Variants in XRN1 observed in about 807,000 individuals in gnomAD.
XRN1 encodes the protein 5'-3' exoribonuclease 1.
Under a neutral mutation model 222.3 loss-of-function variants are expected in XRN1, and 67 were observed. The observed-to-expected ratio is 0.30, with a 90% CI of 0.25 to 0.37. The LOEUF (loss-of-function observed/expected upper bound fraction) is 0.37. Ranked by LOEUF, XRN1 falls within the 10% of genes least tolerant of loss-of-function variation. The pLI is 1.00. For missense variants in XRN1, 1,707 were observed against 2,000.2 expected (o/e 0.85, Z 2.80); for synonymous variants, 643 against 652.4 (o/e 0.99, Z 0.22).
At chr3:142,433,192 C>T (rs907371766) in intron 1 of XRN1, among the ~76,000 whole-genome samples, 5 of 152,152 alleles carry the variant, frequency 3.3e-5, no homozygotes, top group African/African-American at 4.8e-5. Flanking sequence ...TCATTTGGTA[C>T]TCAAAATATT....
At chr3:142,313,325 C>G (rs972602824) in intron 39 of XRN1, 1 of 842,980 alleles carries the variant, frequency 1.2e-6, no homozygotes, top group Non-Finnish European at 1.9e-6. Flanking sequence ...CAATGGGTGC[C>G]AAATCTAATT....
intron 10 of XRN1, 27 bp from the exon 11 acceptor site, chr3:142,418,908 G>T: frequency 6.3e-7 from 1 of 1,595,936 alleles, no homozygotes; most frequent in Admixed American, 1.7e-5. Context: ...AACATAAAAT[G>T]AATGGCAAGA....
At chr3:142,349,775 C>T (rs565739676) in intron 32 of XRN1, among the ~76,000 whole-genome samples, 9 of 152,170 alleles carry the variant, frequency 5.9e-5, no homozygotes, top group Admixed American at 2.6e-4. Context: ...ATGCGTTATA[C>T]TTGGGATCTC....
At chr3:142,385,913 A>G (rs964670138) in intron 20 of XRN1, among the ~76,000 whole-genome samples, 3 of 151,876 alleles carry the variant, frequency 2.0e-5, no homozygotes, top group African/African-American at 7.2e-5. Context: ...TCACACTTTA[A>G]AAGTTTTGTT....
At chr3:142,338,063 G>A (rs577307604) in intron 33 of XRN1, among the ~76,000 whole-genome samples, 93 of 152,266 alleles carry the variant, frequency 6.1e-4, no homozygotes, top group Non-Finnish European at 1.0e-3. Context: ...AGGACTACAC[G>A]TCCTAGTGTT....
At chr3:142,408,060 T>C (rs772506393) in intron 15 of XRN1, among the ~76,000 whole-genome samples, 1 of 152,234 alleles carries the variant, frequency 6.6e-6, no homozygotes, top group African/African-American at 2.4e-5. Context: ...AATAGCATAC[T>C]CTTCTAAAAG....
chr3:142,390,183 G>A (rs2067663531), intron 20 of XRN1, among the ~76,000 whole-genome samples: 1 of 152,190 alleles, frequency 6.6e-6, no homozygotes, highest in South Asian at 2.1e-4. Flanking sequence ...TGGTCAATGA[G>A]CACCGGGTTC....
intron 6 of XRN1, 22 bp downstream of exon 6, chr3:142,423,538 A>G (rs1326074751): frequency 1.9e-6 from 3 of 1,553,230 alleles, no homozygotes; most frequent in African/African-American, 1.4e-5. Flanking sequence ...CTTTCTTCCA[A>G]CATATATGCT....
At chr3:142,390,201 A>G (rs545984112) in intron 20 of XRN1, among the ~76,000 whole-genome samples, 14 of 152,348 alleles carry the variant, frequency 9.2e-5, no homozygotes, top group Non-Finnish European at 1.3e-4. Flanking sequence ...TTCAACTTAA[A>G]GTAACCAGTT....
intron 36 of XRN1, among the ~76,000 whole-genome samples, chr3:142,331,842 T>G (rs1057214988): frequency 4.6e-5 from 7 of 152,182 alleles, no homozygotes; most frequent in Admixed American, 4.6e-4. Context: ...TGGCGTGATC[T>G]TGGCTCACTG....
At chr3:142,318,344 A>C (rs1159979927) in intron 39 of XRN1, among the ~76,000 whole-genome samples, 1 of 152,166 alleles carries the variant, frequency 6.6e-6, no homozygotes, top group Non-Finnish European at 1.5e-5. Flanking sequence ...ACTTAAACAC[A>C]AATTTATCTG....
In XRN1 at chr3:142,365,149, C is replaced by A; in HGVS notation, c.3292G>T (p.Asp1098Tyr). ...PLEQQHGVIP[D>Y]RDAEFCLFDR... ...AAAAGACAAAATTCTGCATCCCGAT[C>A]AGGAATGACTCCATGTTGCTGTTCT... The change falls in exon 29 of 41, where the codon GAT becomes TAT. Residue 1098 changes from aspartate (D) to tyrosine (Y), a missense_variant. By Grantham distance (160) the Asp-to-Tyr change is radical. Coordinates refer to ENST00000392981, the MANE Select transcript of XRN1 (RefSeq NM_001282857.2). The A allele has an allele frequency of 6.2e-7, 1 of 1,613,068 alleles. No individual in the cohort carries two copies. Among genetic ancestry groups the A allele is most frequent in the South Asian group, 1.1e-5 (1 of 90,926 alleles).
At chr3:142,394,384 A>G (rs1171665125) in intron 20 of XRN1, among the ~76,000 whole-genome samples, 2 of 152,148 alleles carry the variant, frequency 1.3e-5, no homozygotes, top group Admixed American at 1.3e-4. Flanking sequence ...TTATGACTCC[A>G]ACTTCAAAAA....
At chr3:142,358,381 T>C (rs984839325) in intron 30 of XRN1, among the ~76,000 whole-genome samples, 7 of 152,310 alleles carry the variant, frequency 4.6e-5, no homozygotes, top group East Asian at 3.9e-4. Context: ...CTATTTTTTT[T>C]CTCTTTGAGA....
chr3:142,326,259 T>C (rs2065513420), intron 37 of XRN1, among the ~76,000 whole-genome samples: 1 of 152,090 alleles, frequency 6.6e-6, no homozygotes, highest in African/African-American at 2.4e-5. Flanking sequence ...ATTTTAACAA[T>C]ATTGATTCTT....
chr3:142,344,683 T>C (rs2066090246), intron 33 of XRN1, among the ~76,000 whole-genome samples: 1 of 151,970 alleles, frequency 6.6e-6, no homozygotes, highest in African/African-American at 2.4e-5. Context: ...TATTTAGGAA[T>C]AAATTTAACA....
chr3:142,409,594 T>A (rs1339772134), intron 15 of XRN1, among the ~76,000 whole-genome samples: 1 of 152,194 alleles, frequency 6.6e-6, no homozygotes, highest in East Asian at 1.9e-4. Flanking sequence ...GGAAATCAGG[T>A]CATGTAAGTC....
intron 40 of XRN1, among the ~76,000 whole-genome samples, chr3:142,312,304 A>G (rs1478276022): frequency 6.6e-6 from 1 of 152,122 alleles, no homozygotes; most frequent in Admixed American, 6.5e-5. Flanking sequence ...TAATAATAAT[A>G]ATAAAAATAC....
rs1487996612 is a variant in XRN1 at position 142,400,456 on chromosome 3, T to C, written c.2195A>G (p.Asp732Gly). The part of the protein sequence containing the change: ...LEEARVVAVS[D>G]GETKFYLEEP... ...AAATCTTACTTACTTAGTTTCTCCA[T>C]CTGATACAGCCACGACTCTAGCTTC... Residue 732 changes from aspartate (D) to glycine (G), a missense_variant, in exon 19 of 41, where the codon GAT (aspartate) becomes GGT (glycine). Around this residue, in one of 2 missense-constraint regions of XRN1, gnomAD observed 1,234 missense variants for 1,518.2 expected, o/e 0.81. Coordinates refer to ENST00000392981, the MANE Select transcript of XRN1 (RefSeq NM_001282857.2). The C allele has an allele frequency of 8.1e-6, 13 of 1,608,014 alleles. No homozygotes were observed. The highest frequency in any genetic ancestry group is 1.1e-5 in the Non-Finnish European group (13 of 1,177,230).
Sources: allele counts gnomAD v4.1 joint callset (sites outside exome capture counted in the v4.1 genomes callset), GRCh38; gene constraint gnomAD v4.1.1; regional missense constraint gnomAD v4.1.1; transcripts MANE v1.5; gene names NCBI Gene and HGNC (gene_info 2026-07-23, HGNC 2026-07-21).